The following PAPPA2 variants were observed in gnomAD, a reference collection of about 807,000 sequenced individuals.
The protein encoded by PAPPA2 is pappalysin-2.
Under a neutral mutation model 176.4 loss-of-function variants are expected in PAPPA2, and 86 were observed. The observed-to-expected ratio is 0.49, with a 90% CI of 0.41 to 0.58. The LOEUF is 0.58. PAPPA2 is among the 20% of genes least tolerant of loss of function. The pLI is 0.00. For synonymous variants in PAPPA2, 809 were observed against 852.2 expected (o/e 0.95, Z 0.88); for missense variants, 2,073 against 2,256.9 (o/e 0.92, Z 1.65).
intron 21 of PAPPA2, among the ~76,000 whole-genome samples, chr1:176,815,096 A>G (rs1163899193): frequency 2.0e-5 from 3 of 152,076 alleles, no homozygotes; most frequent in African/African-American, 7.2e-5. Flanking sequence ...TAAAGTATAT[A>G]TGTATATGCA....
At position 176,716,231 on chromosome 1, in the gene PAPPA2, C is replaced by CTT. The variant is rs371904164; in HGVS notation, c.3798+4266_3798+4267dup. On this transcript the variant is annotated intron_variant, in intron 12 of 22. Transcript: ENST00000367662. Reference sequence around the variant, plus strand: ...TGTCCTTTGCCAATTTAACCTCTTTCTTTTTTTTTTTTTTTTTCTTTTGTT... The same window carrying CTT: ...TGTCCTTTGCCAATTTAACCTCTTTCTTTTTTTTTTTTTTTTTTTCTTTTGTT... 9.5e-4 allele frequency among the ~76,000 whole-genome samples: 126 copies of CTT among 133,216 alleles called. 1 individual carries two copies. Among genetic ancestry groups the CTT allele is most frequent in the Middle Eastern group, 8.3e-3 (2 of 240 alleles). 87.4% of individuals were successfully genotyped at this position (133,216 alleles called of 152,430 possible).
In PAPPA2 at chr1:176,798,360, C is replaced by A. The variant is rs1049478804; in HGVS notation, c.5131-1701C>A. ...CAGATCCCCTTGCTCACTGGAAAAT[C>A]TGACCCATAGTGAGTGAGTGAGGTA... On this transcript the variant is annotated intron_variant, in intron 20 of 22. Coordinates refer to ENST00000367662, the MANE Select transcript of PAPPA2 (RefSeq NM_020318.3). 3.9e-5 allele frequency among the ~76,000 whole-genome samples: 6 copies of A among 152,138 alleles called. 1 individual carries two copies. The South Asian group carries it at 6.2e-4, about 16-fold the overall frequency.
At chr1:176,720,353 C>T (rs1661561308) in intron 12 of PAPPA2, among the ~76,000 whole-genome samples, 1 of 151,932 alleles carries the variant, frequency 6.6e-6, no homozygotes, top group African/African-American at 2.4e-5. Flanking sequence ...TCTTTGTAAT[C>T]ATATTTAATA....
In PAPPA2 at chr1:176,623,821, C is replaced by CT. The variant is rs1341133601; in HGVS notation, c.1991+28227dup. ...TTTCTTTCTTTCTTCTTTCTTTCTT[C>CT]TCTCTCTCTCTCTGTCTCTCTCTCT... On this transcript the variant is annotated intron_variant, in intron 3 of 22. Coordinates refer to ENST00000367662, the MANE Select transcript of PAPPA2 (RefSeq NM_020318.3). Among the ~76,000 whole-genome samples the CT allele has an allele frequency of 1.7e-3, 81 of 48,130 alleles. 1 individual carries two copies. The highest frequency in any genetic ancestry group is 2.5e-3 in the Non-Finnish European group (62 of 24,318). The allele number at this position is 48,130 out of a possible 152,430, so 31.6% of individuals were successfully genotyped here.
chr1:176,667,729 C>T (rs567371332), intron 3 of PAPPA2, among the ~76,000 whole-genome samples: 4 of 152,278 alleles, frequency 2.6e-5, no homozygotes, highest in Non-Finnish European at 5.9e-5. Flanking sequence ...TTGTTTTCTA[C>T]ATGCCAATTT....
chr1:176,506,804 T>G (rs1449951219), intron 1 of PAPPA2, among the ~76,000 whole-genome samples: 1 of 152,112 alleles, frequency 6.6e-6, no homozygotes, highest in East Asian at 1.9e-4. Context: ...TGAAGAAAGA[T>G]AGTTTGGCTT....
chr1:176,767,826 T>G (rs528070937), intron 15 of PAPPA2, among the ~76,000 whole-genome samples: 1 of 152,312 alleles, frequency 6.6e-6, no homozygotes, highest in African/African-American at 2.4e-5. Context: ...CTCAGGCTGG[T>G]CCCATGAAGA....
In PAPPA2 at chr1:176,589,732, A is replaced by G. The variant is rs2048067; in HGVS notation, c.920-4792A>G. 6.6e-3 allele frequency among the ~76,000 whole-genome samples: 1,009 copies of G among 152,320 alleles called. 12 individuals are homozygous for G. Among genetic ancestry groups the G allele is most frequent in the Non-Finnish European group, 7.4e-3 (505 of 68,028 alleles). ...CTTTGATGAATAAACAACAGTTATA[A>G]CATGTTTGTTTCTATCTCATGTACA... On this transcript the variant is annotated intron_variant, in intron 2 of 22. Transcript: ENST00000367662.
chr1:176,799,968 T>A, intron 20 of PAPPA2, 93 bp from the exon 21 acceptor site: 1 of 1,264,086 alleles, frequency 7.9e-7, no homozygotes, highest in Non-Finnish European at 1.1e-6. Context: ...AGAAATGGAG[T>A]TGGACTCCTG....
intron 14 of PAPPA2, among the ~76,000 whole-genome samples, chr1:176,746,499 C>T (rs537719979): frequency 3.3e-5 from 5 of 152,048 alleles, no homozygotes; most frequent in South Asian, 2.1e-4. Context: ...CTCTGCCTCC[C>T]GGGTTCACAC....
chr1:176,547,693 A>G (rs1650714329), intron 1 of PAPPA2, among the ~76,000 whole-genome samples: 1 of 152,152 alleles, frequency 6.6e-6, no homozygotes, highest in East Asian at 1.9e-4. Context: ...TGTCTTACGC[A>G]TTGGAAGATG....
chr1:176,787,275 C>T (rs908521268), intron 17 of PAPPA2, among the ~76,000 whole-genome samples: 1 of 151,724 alleles, frequency 6.6e-6, no homozygotes. Context: ...GTCTGTATCA[C>T]CTGGGCTGGA....
intron 2 of PAPPA2, among the ~76,000 whole-genome samples, chr1:176,571,667 T>C (rs778211691): frequency 2.0e-5 from 3 of 152,242 alleles, no homozygotes; most frequent in Non-Finnish European, 4.4e-5. Context: ...TCCTGAATGC[T>C]TGTTGCATGT....
At position 176,714,574 on chromosome 1, in the gene PAPPA2, T is replaced by C. The variant is rs796293201; in HGVS notation, c.3798+2593T>C. ...TTAATGAGTCACAGGCACCATAACC[T>C]ACATCTGCGGAAGAAGCCATGACCT... On this transcript the variant is annotated intron_variant, in intron 12 of 22. Transcript: ENST00000367662. Among the ~76,000 whole-genome samples, 7 of 152,270 alleles carry C rather than the reference T, an allele frequency of 4.6e-5. 1 individual carries two copies. The highest frequency in any genetic ancestry group is 1.7e-4 in the African/African-American group (7 of 41,556).
chr1:176,569,787 G>C (rs1652210254), intron 2 of PAPPA2, among the ~76,000 whole-genome samples: 2 of 152,220 alleles, frequency 1.3e-5, no homozygotes, highest in South Asian at 4.1e-4. Flanking sequence ...GATGAAGGAT[G>C]AACTAATTCT....
At chr1:176,768,316 C>T (rs1340607584) in intron 15 of PAPPA2, among the ~76,000 whole-genome samples, 1 of 152,104 alleles carries the variant, frequency 6.6e-6, no homozygotes, top group African/African-American at 2.4e-5. Context: ...ACTTCTCCTA[C>T]ATGCTCTCCT....
At chr1:176,831,577 C>T (rs1465714289) in intron 21 of PAPPA2, among the ~76,000 whole-genome samples, 2 of 152,146 alleles carry the variant, frequency 1.3e-5, no homozygotes, top group African/African-American at 4.8e-5. Flanking sequence ...TGGGCAAGAC[C>T]ACTCATATAG....
chr1:176,748,988 A>T (rs1180492706), intron 14 of PAPPA2, among the ~76,000 whole-genome samples: 1 of 146,142 alleles, frequency 6.8e-6, no homozygotes, highest in East Asian at 2.1e-4. Flanking sequence ...TTAAAAAGTT[A>T]TGGTTACTGT....
At chr1:176,679,045 ATATATT>A (rs1165861522) in intron 4 of PAPPA2, among the ~76,000 whole-genome samples, 5 of 152,008 alleles carry the variant, frequency 3.3e-5, no homozygotes, top group Non-Finnish European at 7.4e-5. Flanking sequence ...GAATATATAC[ATATATT>A]TATATATATG....
Sources: allele counts gnomAD v4.1 joint callset (sites outside exome capture counted in the v4.1 genomes callset), GRCh38; gene constraint gnomAD v4.1.1; transcripts MANE v1.5; gene names NCBI Gene and HGNC (gene_info 2026-07-23, HGNC 2026-07-21).